The following JAKMIP3 variants were observed in gnomAD, a reference collection of about 807,000 sequenced individuals.
JAKMIP3 encodes Janus kinase and microtubule interacting protein 3, also known as janus kinase and microtubule-interacting protein 3.
In JAKMIP3, 58 loss-of-function variants were observed where a neutral mutation model predicts 118.5. The ratio of observed to expected loss-of-function variants is 0.49; its 90% CI spans 0.40 to 0.61. JAKMIP3 has a LOEUF of 0.61. JAKMIP3 is among the 20% of genes least tolerant of loss of function. JAKMIP3 has a pLI of 0.00. For missense variants in JAKMIP3, 950 were observed against 1,109.0 expected (o/e 0.86, Z 2.04); for synonymous variants, 486 against 451.2 (o/e 1.08, Z -0.98).
chr10:132,180,919 ATGTG>A (rs555443307), intron 23 of JAKMIP3, among the ~76,000 whole-genome samples: 230 of 151,728 alleles, frequency 1.5e-3, no homozygotes, highest in African/African-American at 5.3e-3. Context: ...ATGTGCCTGT[ATGTG>A]TATTTTGCAT....
At chr10:132,137,426 C>A in intron 8 of JAKMIP3, 137 bp downstream of exon 8, 1 of 1,071,882 alleles carries the variant, frequency 9.3e-7, no homozygotes. Flanking sequence ...TTTGTTGTTG[C>A]AGTGCCACCT....
chr10:132,167,558 C>T (rs2059032225), intron 22 of JAKMIP3, among the ~76,000 whole-genome samples: 1 of 152,172 alleles, frequency 6.6e-6, no homozygotes, highest in Non-Finnish European at 1.5e-5. Context: ...CAGGTCATGG[C>T]TGCTGCTACC....
chr10:132,175,139 T>G (rs967075987), intron 23 of JAKMIP3, among the ~76,000 whole-genome samples: 1 of 152,200 alleles, frequency 6.6e-6, no homozygotes, highest in African/African-American at 2.4e-5. Context: ...TTTAAAAAAA[T>G]GAAGCGTGGT....
chr10:132,040,121 G>C (rs907717623), intron 1 of JAKMIP3, among the ~76,000 whole-genome samples: 1 of 152,156 alleles, frequency 6.6e-6, no homozygotes, highest in African/African-American at 2.4e-5. Context: ...GGTATTGGGG[G>C]GGTGGGCCCT....
intron 8 of JAKMIP3, 131 bp from the exon 9 acceptor site, chr10:132,137,988 G>A (rs549998273): frequency 1.3e-5 from 9 of 711,758 alleles, no homozygotes; most frequent in African/African-American, 4.4e-5. Flanking sequence ...TCCCGCTGTG[G>A]TGTGGGGACA....
At chr10:132,100,382 C>T (rs568830175) in intron 1 of JAKMIP3, among the ~76,000 whole-genome samples, 2 of 152,318 alleles carry the variant, frequency 1.3e-5, no homozygotes, top group African/African-American at 4.8e-5. Context: ...TGGGCCACCA[C>T]CAGCTGAGAT....
At chr10:132,137,994 G>A in intron 8 of JAKMIP3, 125 bp from the exon 9 acceptor site, 2 of 780,266 alleles carry the variant, frequency 2.6e-6, no homozygotes, top group Non-Finnish European at 3.8e-6. Flanking sequence ...TGTGGTGTGG[G>A]GACAAGCCAG....
intron 11 of JAKMIP3, chr10:132,144,718 C>T (rs1220890507): frequency 5.8e-6 from 1 of 172,292 alleles, no homozygotes; most frequent in African/African-American, 2.4e-5. Context: ...TGCTCGAACT[C>T]AGGAGTTTGA....
intron 1 of JAKMIP3, among the ~76,000 whole-genome samples, chr10:132,094,771 G>A (rs935894128): frequency 5.3e-5 from 8 of 152,080 alleles, no homozygotes; most frequent in African/African-American, 9.7e-5. Context: ...AGAGGAACCC[G>A]CGGTGAGTGG....
Position 132,164,688 on chromosome 10 carries a change from GA to G in JAKMIP3, c.2446del (p.Arg816GlufsTer2), listed in dbSNP as rs2058714685. ...LAQQRIKELE[E>X]RIEAQKRQIK... Reference sequence around the variant, plus strand: ...CTTGCAGAGAATTAAAGAGTTAGAAGAAAGAATAGAAGCTCAGAAGAGACAA... The same window carrying G: ...CTTGCAGAGAATTAAAGAGTTAGAAGAAGAATAGAAGCTCAGAAGAGACAA... On this transcript the variant is annotated frameshift_variant, in exon 21 of 24. Coordinates refer to ENST00000684848, the MANE Select transcript of JAKMIP3 (RefSeq NM_001323087.2). LOFTEE classifies it high-confidence loss of function. 1 of 1,595,270 alleles carries G rather than the reference GA, an allele frequency of 6.3e-7. No individual in the cohort carries two copies. The highest frequency in any genetic ancestry group is 1.3e-5 in the African/African-American group (1 of 74,550).
At position 132,163,310 on chromosome 10, in the gene JAKMIP3, G is replaced by A. The variant is rs955453890; in HGVS notation, c.2322G>A (p.Lys774=). 2.5e-6 allele frequency: 4 copies of A among 1,608,284 alleles called. No homozygotes were observed. The highest frequency in any genetic ancestry group is 2.7e-5 in the African/African-American group (2 of 74,882). The change falls in exon 20 of 24, where the codon AAG becomes AAA. Residue 774 remains lysine, a synonymous_variant. Coordinates refer to ENST00000684848, the MANE Select transcript of JAKMIP3 (RefSeq NM_001323087.2). ...CAGAGGAGGAGCGCGAGAAGCTCAA[G>A]GTGGCCGTGGAGCAGTGGAAGCGCC... is the stretch of plus-strand genomic sequence containing the variant. ...LLSEEEREKL[K]VAVEQWKRQV... is the part of the protein sequence containing the mutation.
At position 132,117,676 on chromosome 10, in the gene JAKMIP3, G is replaced by A. The variant is rs1589854606; in HGVS notation, c.633+102G>A. 1.6e-6 allele frequency: 2 copies of A among 1,226,796 alleles called. No individual in the cohort carries two copies. The highest frequency in any genetic ancestry group is 3.0e-5 in the East Asian group (1 of 33,534). The allele number at this position is 1,226,796 out of a possible 1,614,324, so 76.0% of individuals were successfully genotyped here. ...GCGAGGGTGCAGGCGTGGGCTCGGGGAGCACGCGGGCAGCACCGGCTTCAC... is the reference window on the plus strand; with the variant it reads ...GCGAGGGTGCAGGCGTGGGCTCGGGAAGCACGCGGGCAGCACCGGCTTCAC... On this transcript the variant is annotated intron_variant, in intron 3 of 23. Coordinates refer to ENST00000684848, the MANE Select transcript of JAKMIP3 (RefSeq NM_001323087.2). This position sits in a 1 kb window ranked among gnomAD's most constrained non-coding sequence, Gnocchi z 8.6.
chr10:132,070,233 T>G (rs549116157), intron 1 of JAKMIP3, among the ~76,000 whole-genome samples: 21 of 152,154 alleles, frequency 1.4e-4, no homozygotes, highest in Non-Finnish European at 3.1e-4. Flanking sequence ...CTGCAACCTC[T>G]GCCTCCTTGG....
chr10:132,136,213 A>T, intron 6 of JAKMIP3, 137 bp downstream of exon 6: 1 of 909,268 alleles, frequency 1.1e-6, no homozygotes, highest in East Asian at 2.7e-5. Context: ...GTCTGGCCTC[A>T]CGCATGTTTG....
intron 3 of JAKMIP3, among the ~76,000 whole-genome samples, chr10:132,123,397 C>T (rs1033457328): frequency 2.0e-5 from 3 of 152,226 alleles, no homozygotes; most frequent in African/African-American, 7.2e-5. Flanking sequence ...GCCAGTTTCT[C>T]CTTCCCGTAA....
intron 1 of JAKMIP3, among the ~76,000 whole-genome samples, chr10:132,036,848 G>A (rs1472110187): frequency 6.6e-6 from 1 of 151,816 alleles, no homozygotes; most frequent in Non-Finnish European, 1.5e-5. Flanking sequence ...CGGGCGGGGG[G>A]CGACGTCCCG....
At chr10:132,120,661 A>T (rs1278688381) in intron 3 of JAKMIP3, among the ~76,000 whole-genome samples, 1 of 152,180 alleles carries the variant, frequency 6.6e-6, no homozygotes, top group Non-Finnish European at 1.5e-5. Context: ...AGCTGTGGTG[A>T]TGGAGCTTCT....
At chr10:132,048,804 T>C (rs140952774) in intron 1 of JAKMIP3, among the ~76,000 whole-genome samples, 1 of 27,056 alleles carries the variant, frequency 3.7e-5, no homozygotes, top group Non-Finnish European at 9.2e-5. Flanking sequence ...CCCCGACTAA[T>C]TTTTTTTTGT....
chr10:132,099,028 A>G (rs1169998431), intron 1 of JAKMIP3, among the ~76,000 whole-genome samples: 2 of 152,138 alleles, frequency 1.3e-5, no homozygotes, highest in African/African-American at 4.8e-5. Flanking sequence ...GGAGCTGCAG[A>G]GACATGGACC....
Sources: gnomAD v4.1 joint callset for allele counts (sites outside exome capture counted in the v4.1 genomes callset) on GRCh38, gnomAD v4.1.1 for gene constraint, Gnocchi (gnomAD v3.1) non-coding constraint, MANE v1.5 for transcripts, NCBI Gene and HGNC (gene_info 2026-07-23, HGNC 2026-07-21) for gene names.